Variants in MYO1D observed in about 807,000 individuals in gnomAD.
The protein encoded by MYO1D is unconventional myosin-Id.
A neutral mutation model predicts 122.0 loss-of-function variants in MYO1D; 83 were observed. The observed-to-expected ratio is 0.68, with a 90% CI of 0.57 to 0.82. The LOEUF is 0.82. Ranked by LOEUF, MYO1D falls within the 40% of genes least tolerant of loss-of-function variation. The probability of loss-of-function intolerance (pLI) is 0.00; values close to 1 mark genes in which losing one functional copy is unlikely to be tolerated. For missense variants in MYO1D, 1,157 were observed against 1,269.5 expected (o/e 0.91, Z 1.35); for synonymous variants, 464 against 446.9 (o/e 1.04, Z -0.48).
intron 1 of MYO1D, among the ~76,000 whole-genome samples, chr17:32,784,337 G>A (rs2090270817): frequency 6.6e-6 from 1 of 152,070 alleles, no homozygotes; most frequent in South Asian, 2.1e-4. Context: ...TTCCCCATGT[G>A]CTTGCCAGAT....
At chr17:32,676,781 A>G (rs2088815751) in intron 16 of MYO1D, among the ~76,000 whole-genome samples, 1 of 152,056 alleles carries the variant, frequency 6.6e-6, no homozygotes, top group Non-Finnish European at 1.5e-5. Flanking sequence ...AACTAAACAT[A>G]TTGTGATACA....
chr17:32,603,859 A>AC (rs1179809496), intron 21 of MYO1D, among the ~76,000 whole-genome samples: 2 of 152,128 alleles, frequency 1.3e-5, no homozygotes, highest in African/African-American at 4.8e-5. Context: ...TCTTAGCTTT[A>AC]CATTTATTTG....
chr17:32,770,662 T>C (rs2090104261), intron 6 of MYO1D, among the ~76,000 whole-genome samples: 1 of 152,160 alleles, frequency 6.6e-6, no homozygotes, highest in Non-Finnish European at 1.5e-5. Context: ...TGAATAGGAA[T>C]GCCTCAAAGG....
chr17:32,850,099 CAT>C (rs2090973090), intron 1 of MYO1D, among the ~76,000 whole-genome samples: 1 of 152,182 alleles, frequency 6.6e-6, no homozygotes, highest in Non-Finnish European at 1.5e-5. Flanking sequence ...GCATAAAAAT[CAT>C]CAGTCTTACT....
At chr17:32,669,498 G>A (rs1597989756) in intron 16 of MYO1D, among the ~76,000 whole-genome samples, 1 of 152,164 alleles carries the variant, frequency 6.6e-6, no homozygotes, top group Non-Finnish European at 1.5e-5. Flanking sequence ...CACTTCTTTA[G>A]GTTTTTCACT....
At chr17:32,772,403 G>A (rs2090123333) in intron 5 of MYO1D, among the ~76,000 whole-genome samples, 1 of 152,046 alleles carries the variant, frequency 6.6e-6, no homozygotes, top group Non-Finnish European at 1.5e-5. Context: ...TTTGTATTCT[G>A]ATCTCTAGAA....
At chr17:32,516,798 A>T (rs759848379) in intron 21 of MYO1D, among the ~76,000 whole-genome samples, 1 of 152,212 alleles carries the variant, frequency 6.6e-6, no homozygotes, top group Non-Finnish European at 1.5e-5. Flanking sequence ...CCTGGGAGAG[A>T]GAGAGCAGAA....
chr17:32,849,875 G>A (rs1434961799), intron 1 of MYO1D, among the ~76,000 whole-genome samples: 1 of 152,124 alleles, frequency 6.6e-6, no homozygotes, highest in African/African-American at 2.4e-5. Flanking sequence ...CCAAATTGTG[G>A]ACTTTTGTGT....
Position 32,494,713 on chromosome 17 carries a change from A to C in MYO1D, c.*46T>G, listed in dbSNP as rs1231881681. 3.9e-6 allele frequency: 6 copies of C among 1,533,372 alleles called. No individual in the cohort carries two copies. Among genetic ancestry groups the C allele is most frequent in the East Asian group, 2.4e-5 (1 of 41,280 alleles). 95.0% of individuals were successfully genotyped at this position (1,533,372 alleles called of 1,614,324 possible). ...GGAGGCAGCAGCTGGACTGGGACCC[A>C]GGACTCGGAGTGTGGCCGGGCTCCG... On this transcript the variant is annotated 3_prime_UTR_variant, in exon 22 of 22. Coordinates refer to ENST00000318217, the MANE Select transcript of MYO1D (RefSeq NM_015194.3).
At chr17:32,872,297 GA>G (rs2091186531) in intron 1 of MYO1D, among the ~76,000 whole-genome samples, 2 of 152,134 alleles carry the variant, frequency 1.3e-5, no homozygotes, top group African/African-American at 4.8e-5. Context: ...TTTTGAGACG[GA>G]GTCTTGCTCA....
intron 21 of MYO1D, among the ~76,000 whole-genome samples, chr17:32,519,889 G>C (rs1281306802): frequency 7.5e-6 from 1 of 133,054 alleles, no homozygotes; most frequent in Non-Finnish European, 1.5e-5. Flanking sequence ...TAAACAGCAG[G>C]CTTTTTTTTT....
At chr17:32,807,437 G>C (rs1018278270) in intron 1 of MYO1D, among the ~76,000 whole-genome samples, 1 of 151,926 alleles carries the variant, frequency 6.6e-6, no homozygotes, top group Non-Finnish European at 1.5e-5. Context: ...AATATATCTT[G>C]TCTGTATGTG....
intron 16 of MYO1D, among the ~76,000 whole-genome samples, chr17:32,705,938 G>A (rs1298939287): frequency 6.6e-6 from 1 of 152,118 alleles, no homozygotes; most frequent in African/African-American, 2.4e-5. Context: ...GTTAAGACAT[G>A]CCTTTCACCT....
At chr17:32,711,647 G>T (rs58048468) in intron 16 of MYO1D, among the ~76,000 whole-genome samples, 1 of 151,740 alleles carries the variant, frequency 6.6e-6, no homozygotes, top group African/African-American at 2.4e-5. Context: ...CTCCGTCTCG[G>T]GGGGGAAAAA....
chr17:32,701,330 C>T (rs1468685310), intron 16 of MYO1D, among the ~76,000 whole-genome samples: 1 of 152,016 alleles, frequency 6.6e-6, no homozygotes, highest in African/African-American at 2.4e-5. Flanking sequence ...GGAGTTTAAC[C>T]TCAAAAGATT....
At chr17:32,720,913 T>A (rs1029265411) in intron 15 of MYO1D, 110 bp downstream of exon 15, 1 of 1,151,180 alleles carries the variant, frequency 8.7e-7, no homozygotes, top group Non-Finnish European at 1.2e-6. Context: ...AGCTCTTTTG[T>A]TCACCCAACA....
intron 8 of MYO1D, among the ~76,000 whole-genome samples, chr17:32,761,244 C>T (rs1387500848): frequency 6.6e-6 from 1 of 152,128 alleles, no homozygotes. Flanking sequence ...CTTAACGTCT[C>T]CTGCCAGCTA....
intron 1 of MYO1D, among the ~76,000 whole-genome samples, chr17:32,864,575 G>C (rs938235414): frequency 9.2e-5 from 12 of 131,100 alleles, no homozygotes; most frequent in Non-Finnish European, 1.6e-4. Context: ...AAAAAAAGGA[G>C]AGAAATGTCT....
intron 1 of MYO1D, among the ~76,000 whole-genome samples, chr17:32,803,002 A>G (rs957885149): frequency 3.9e-5 from 6 of 152,168 alleles, no homozygotes; most frequent in African/African-American, 1.4e-4. Flanking sequence ...GCAGGCAAAG[A>G]TAAGTGGAAA....
Sources: gnomAD v4.1 joint callset for allele counts (sites outside exome capture counted in the v4.1 genomes callset) on GRCh38, gnomAD v4.1.1 for gene constraint, MANE v1.5 for transcripts, NCBI Gene and HGNC (gene_info 2026-07-23, HGNC 2026-07-21) for gene names.